The following PRAG1 variants were observed in gnomAD, a reference collection of about 807,000 sequenced individuals.
The protein encoded by PRAG1 is PEAK1 related, kinase-activating pseudokinase 1, also known as inactive tyrosine-protein kinase PRAG1.
In PRAG1, 110 loss-of-function variants were observed where a neutral mutation model predicts 95.6. That is an observed-to-expected ratio of 1.15 (90% confidence interval 0.99 to 1.35). The LOEUF is 1.35. Among genes scored for constraint, PRAG1 ranks in the 40% most tolerant of loss-of-function variants. The pLI is 0.00. For missense variants in PRAG1, 2,554 were observed against 1,864.7 expected, an observed-to-expected ratio of 1.37 and a Z score of -6.81; for synonymous variants, 1,052 against 819.4, an observed-to-expected ratio of 1.28 and a Z score of -4.85.
chr8:8,357,792 T>C (rs552479070), intron 3 of PRAG1, among the ~76,000 whole-genome samples: 6 of 152,340 alleles, frequency 3.9e-5, no homozygotes, highest in African/African-American at 9.6e-5. Context: ...GCAACTTAAG[T>C]ATCCATTAAC....
intron 3 of PRAG1, among the ~76,000 whole-genome samples, chr8:8,369,803 C>G (rs1198501085): frequency 1.3e-5 from 2 of 151,366 alleles, no homozygotes. Context: ...GGACACAGAG[C>G]TGAGCTTACC....
rs1374939289 is a variant in PRAG1 at position 8,384,008 on chromosome 8, C to T, written c.-87-2174G>A. Among the ~76,000 whole-genome samples, 3 of 152,210 alleles carry T rather than the reference C, an allele frequency of 2.0e-5. No homozygotes were observed. In the East Asian group the frequency reaches 5.8e-4, roughly 29 times the overall value. On this transcript the variant is annotated intron_variant, in intron 1 of 5. Coordinates refer to ENST00000615670, the MANE Select transcript of PRAG1 (RefSeq NM_001080826.3). ...ACAGAAAGGACACTGTCCAGCCCAC[C>T]TCCACTGCAGGCAGATGCTCCCATG...
chr8:8,318,643 C>A lies in PRAG1; in HGVS notation c.3732G>T (p.Val1244=). The A allele has an allele frequency of 1.2e-6, 2 of 1,612,566 alleles. No individual in the cohort carries two copies. The highest frequency in any genetic ancestry group is 1.7e-6 in the Non-Finnish European group (2 of 1,179,902). ...KSQARLAPEI[V]SASQYRKFDE... ...CGAACTTGCGGTACTGGGAAGCAGA[C>A]ACGATCTCGGGGGCCAGCCGGGCCT... is the stretch of plus-strand genomic sequence containing the variant. Residue 1244 remains valine (V), a synonymous_variant, in exon 6 of 6, where the codon GTG becomes GTT. Coordinates refer to ENST00000615670, the MANE Select transcript of PRAG1 (RefSeq NM_001080826.3). The surrounding 1 kb of genome is among the most constrained non-coding windows in gnomAD (Gnocchi z 4.2).
chr8:8,360,408 T>C (rs1300999703), intron 3 of PRAG1, among the ~76,000 whole-genome samples: 2 of 152,226 alleles, frequency 1.3e-5, no homozygotes, highest in Non-Finnish European at 2.9e-5. Context: ...ATTCCTGAAT[T>C]ACCAAAATTT....
At chr8:8,332,420 T>A (rs1166654353) in intron 4 of PRAG1, among the ~76,000 whole-genome samples, 1 of 152,170 alleles carries the variant, frequency 6.6e-6, no homozygotes. Flanking sequence ...CACCTCGGAC[T>A]CCTAAAGTGC....
chr8:8,378,117 C>A (rs759228496), intron 2 of PRAG1, 39 bp from the exon 3 acceptor site: 2 of 1,504,844 alleles, frequency 1.3e-6, no homozygotes, highest in Non-Finnish European at 1.8e-6. Context: ...TATATTAGAA[C>A]TTGTCATAGA....
rs763415010 is a variant in PRAG1 at position 8,376,856 on chromosome 8, G to C, written c.1553C>G (p.Ser518Trp). The change falls in exon 3 of 6, where the codon TCG becomes TGG. Residue 518 changes from serine to tryptophan, a missense_variant. Physicochemically the swap from Ser to Trp is radical, Grantham distance 177. Coordinates refer to ENST00000615670, the MANE Select transcript of PRAG1 (RefSeq NM_001080826.3). ...QNSEVGEEET[S>W]AGQGLSSRES... ...CCTGGAGCTCAGCCCCTGCCCAGCCGAAGTCTCCTCTTCACCTACCTCGGA... is the reference window on the plus strand; with the variant it reads ...CCTGGAGCTCAGCCCCTGCCCAGCCCAAGTCTCCTCTTCACCTACCTCGGA... 1 of 1,613,048 alleles carries C rather than the reference G, an allele frequency of 6.2e-7. No homozygotes were observed. Among genetic ancestry groups the C allele is most frequent in the Non-Finnish European group, 8.5e-7 (1 of 1,180,018 alleles).
chr8:8,349,266 C>CTATTTATTTATTTATTTATT (rs10672013), intron 3 of PRAG1, among the ~76,000 whole-genome samples: 13 of 149,242 alleles, frequency 8.7e-5, no homozygotes, highest in African/African-American at 3.2e-4. Context: ...ATCTATCTAT[C>CTATTTATTTATTTATTTATT]TATTTATTTA....
At chr8:8,347,060 G>T (rs1244539773) in intron 3 of PRAG1, among the ~76,000 whole-genome samples, 6 of 152,222 alleles carry the variant, frequency 3.9e-5, no homozygotes, top group Non-Finnish European at 8.8e-5. Flanking sequence ...TTTTTAAACA[G>T]TCTATACATG....
chr8:8,335,682 A>G lies in PRAG1; in HGVS notation c.2320+3796T>C, dbSNP rs7829328. Among the ~76,000 whole-genome samples the G allele has an allele frequency of 4.6e-3, 697 of 152,268 alleles. 7 individuals carry two copies. Among genetic ancestry groups the G allele is most frequent in the African/African-American group, 0.016 (646 of 41,558 alleles). ...GGCCACAGAAAATTTTTAAAAATAA[A>G]TGTTTTTTTCCTTTGGAGCACTTCC... On this transcript the variant is annotated intron_variant, in intron 4 of 5. Coordinates refer to ENST00000615670, the MANE Select transcript of PRAG1 (RefSeq NM_001080826.3).
chr8:8,384,254 C>T (rs951777039), intron 1 of PRAG1, among the ~76,000 whole-genome samples: 2 of 152,116 alleles, frequency 1.3e-5, no homozygotes, highest in African/African-American at 4.8e-5. Flanking sequence ...GAAGGGGTGA[C>T]ATTGGTATCA....
chr8:8,319,422 A>C, intron 5 of PRAG1, 120 bp from the exon 6 acceptor site: 1 of 711,082 alleles, frequency 1.4e-6, no homozygotes, highest in Non-Finnish European at 2.1e-6. Context: ...TAAGGGTAAG[A>C]GCAATCCATA....
At chr8:8,336,873 A>AG in intron 4 of PRAG1, among the ~76,000 whole-genome samples, 1 of 150,556 alleles carries the variant, frequency 6.6e-6, no homozygotes, top group African/African-American at 2.5e-5. Flanking sequence ...TTATACAACT[A>AG]AAACCTTCCC....
intron 3 of PRAG1, among the ~76,000 whole-genome samples, chr8:8,341,850 C>T (rs945448034): frequency 1.3e-5 from 2 of 152,142 alleles, no homozygotes; most frequent in African/African-American, 2.4e-5. Context: ...TATAAAATGA[C>T]GGCCGGATAC....
chr8:8,344,059 G>A (rs905178081), intron 3 of PRAG1, among the ~76,000 whole-genome samples: 1 of 151,330 alleles, frequency 6.6e-6, no homozygotes, highest in Non-Finnish European at 1.5e-5. Context: ...TTCATCCTAA[G>A]TCCTTAAAAT....
chr8:8,357,184 G>A (rs1049569360), intron 3 of PRAG1, among the ~76,000 whole-genome samples: 3 of 152,112 alleles, frequency 2.0e-5, no homozygotes, highest in East Asian at 3.8e-4. Context: ...TAGATAAACT[G>A]GACTACATGG....
rs1440947144 is a variant in PRAG1, at chr8:8,370,716, T to C, written c.2162+5531A>G. ...CCTCCCGGTTCATGCCCAGAGATCA[T>C]GTTACAGGAGAGCCCACACAGTGAA... On this transcript the variant is annotated intron_variant, in intron 3 of 5. Transcript: ENST00000615670. Among the ~76,000 whole-genome samples the C allele has an allele frequency of 2.6e-5, 4 of 152,316 alleles. No individual in the cohort carries two copies. The East Asian group carries it at 7.7e-4, about 29-fold the overall frequency.
intron 3 of PRAG1, among the ~76,000 whole-genome samples, chr8:8,350,984 A>G (rs1305260798): frequency 6.6e-6 from 1 of 152,128 alleles, no homozygotes; most frequent in Admixed American, 6.5e-5. Flanking sequence ...GGATGGATAA[A>G]CAGGCAAACA....
At chr8:8,381,975 C>T (rs767905193) in intron 1 of PRAG1, 141 bp from the exon 2 acceptor site, 15 of 469,428 alleles carry the variant, frequency 3.2e-5, no homozygotes, top group Non-Finnish European at 5.3e-5. Context: ...TTGGGACCCT[C>T]GCCCATTTGT....
Sources: gnomAD v4.1 joint callset for allele counts (sites outside exome capture counted in the v4.1 genomes callset) on GRCh38, gnomAD v4.1.1 for gene constraint, Gnocchi (gnomAD v3.1) non-coding constraint, MANE v1.5 for transcripts, NCBI Gene and HGNC (gene_info 2026-07-23, HGNC 2026-07-21) for gene names.